PRIMA1: variants seen among roughly 807,000 people sequenced by gnomAD.
PRIMA1 encodes proline-rich membrane anchor 1.
Under a neutral mutation model 17.5 loss-of-function variants are expected in PRIMA1, and 7 were observed. The ratio of observed to expected loss-of-function variants is 0.40; its 90% confidence interval spans 0.23 to 0.75. The LOEUF (loss-of-function observed/expected upper bound fraction) is 0.75, where lower values mean the gene tolerates loss of function less well. Among genes scored for constraint, PRIMA1 ranks in the 30% least tolerant of loss-of-function variants. The pLI, the probability that PRIMA1 is intolerant of heterozygous loss-of-function variation, is 0.37. For missense variants in PRIMA1, 200 were observed against 201.8 expected (o/e 0.99, Z 0.05); for synonymous variants, 97 against 77.9 (o/e 1.25, Z -1.29).
intron 3 of PRIMA1, among the ~76,000 whole-genome samples, chr14:93,759,944 G>A (rs1457319908): frequency 2.0e-5 from 3 of 152,234 alleles, no homozygotes; most frequent in African/African-American, 7.2e-5. Flanking sequence ...CCTTTACTGG[G>A]CTCCTCCTCC....
chr14:93,787,450 T>A (rs1885555044), intron 2 of PRIMA1, among the ~76,000 whole-genome samples, 176 bp downstream of exon 2: 1 of 151,500 alleles, frequency 6.6e-6, no homozygotes, highest in African/African-American at 2.4e-5. Context: ...CTCTTTGGAG[T>A]TTCTTATCTT....
chr14:93,756,199 T>C (rs1179136173), intron 3 of PRIMA1, among the ~76,000 whole-genome samples: 1 of 152,222 alleles, frequency 6.6e-6, no homozygotes, highest in East Asian at 1.9e-4. Context: ...CCACCTTGCC[T>C]GGCCTAAGAT....
At position 93,771,297 on chromosome 14, in the gene PRIMA1, C is replaced by T. The variant is rs529031414; in HGVS notation, c.229+7879G>A. Among the ~76,000 whole-genome samples the T allele has an allele frequency of 1.2e-4, 18 of 152,226 alleles. No homozygotes were observed. In the East Asian group the frequency reaches 2.9e-3, roughly 24 times the overall value. On this transcript the variant is annotated intron_variant, in intron 3 of 4. Coordinates refer to ENST00000393140, the MANE Select transcript of PRIMA1 (RefSeq NM_178013.4). ...GCCCTGGTCCCTTGATTCTAAAAAA[C>T]AGAATGCAGTGGAAGTTGATGCTGG... is the stretch of plus-strand genomic sequence containing the variant.
Position 93,719,579 on chromosome 14 carries a change from A to G in PRIMA1, c.*1865T>C. 1 of 152,822 alleles carries G rather than the reference A, an allele frequency of 6.5e-6. No homozygotes were observed. The highest frequency in any genetic ancestry group is 1.5e-5 in the Non-Finnish European group (1 of 68,460). 9.5% of individuals were successfully genotyped at this position (152,822 alleles called of 1,614,324 possible). A position where few individuals can be genotyped will look rare whatever the true frequency, so the allele number is the denominator to read the frequency against. On this transcript the variant is annotated 3_prime_UTR_variant, in exon 5 of 5. Coordinates refer to ENST00000393140, the MANE Select transcript of PRIMA1 (RefSeq NM_178013.4). ...TTAGGGCACAGCTTGGGGGTTCAAC[A>G]GGCACCAGAAGGCTGAAGGCAGTAG...
intron 4 of PRIMA1, among the ~76,000 whole-genome samples, chr14:93,728,551 C>CAGG (rs2076094240): frequency 6.6e-6 from 1 of 152,126 alleles, no homozygotes; most frequent in Non-Finnish European, 1.5e-5. Context: ...GTGTCTGGGT[C>CAGG]TTATCCTGAC....
intron 3 of PRIMA1, among the ~76,000 whole-genome samples, chr14:93,769,462 A>C (rs1006275387): frequency 6.6e-6 from 1 of 152,188 alleles, no homozygotes; most frequent in Non-Finnish European, 1.5e-5. Flanking sequence ...CCGAGGCCGG[A>C]ATCAATGGCA....
intron 2 of PRIMA1, among the ~76,000 whole-genome samples, chr14:93,785,465 T>C (rs948709912): frequency 1.3e-5 from 2 of 152,208 alleles, no homozygotes; most frequent in Non-Finnish European, 2.9e-5. Context: ...CCATTAATCA[T>C]AGGACTTTGT....
chr14:93,750,487 A>C (rs976894955), intron 3 of PRIMA1, among the ~76,000 whole-genome samples: 1 of 152,212 alleles, frequency 6.6e-6, no homozygotes, highest in African/African-American at 2.4e-5. Context: ...CACTTTGCAG[A>C]GGGGTTCAGG....
chr14:93,769,101 A>C lies in PRIMA1; in HGVS notation c.229+10075T>G, dbSNP rs115761383. The stretch of plus-strand genomic sequence containing the variant: ...TCAAACTCATCTGGAGATAGGAGTC[A>C]TGTTCATACCTGCATTGTGCTTTGT... On this transcript the variant is annotated intron_variant, in intron 3 of 4. Transcript: ENST00000393140. 7.1e-3 allele frequency among the ~76,000 whole-genome samples: 1,079 copies of C among 152,288 alleles called. 18 individuals carry two copies. The highest frequency in any genetic ancestry group is 0.024 in the African/African-American group (1,002 of 41,534).
intron 4 of PRIMA1, among the ~76,000 whole-genome samples, chr14:93,723,469 G>T (rs1209083890): frequency 2.0e-5 from 3 of 150,412 alleles, no homozygotes; most frequent in Non-Finnish European, 4.5e-5. Context: ...GCAGTTCATG[G>T]GAAGAACAAT....
chr14:93,752,868 C>G (rs543557254), intron 3 of PRIMA1, among the ~76,000 whole-genome samples: 48 of 152,334 alleles, frequency 3.2e-4, no homozygotes, highest in Non-Finnish European at 5.1e-4. Context: ...GGAGTGGTGA[C>G]CTTGGGCTAG....
intron 4 of PRIMA1, among the ~76,000 whole-genome samples, chr14:93,729,138 C>T (rs1352060381): frequency 1.3e-5 from 2 of 152,188 alleles, no homozygotes; most frequent in Non-Finnish European, 2.9e-5. Context: ...GTCAGAAGAT[C>T]GAGTCTTGAT....
chr14:93,735,509 C>A (rs2076143972), intron 4 of PRIMA1, among the ~76,000 whole-genome samples: 1 of 152,134 alleles, frequency 6.6e-6, no homozygotes, highest in African/African-American at 2.4e-5. Flanking sequence ...CTCCGGGCAG[C>A]CACAGCGGGC....
intron 3 of PRIMA1, among the ~76,000 whole-genome samples, chr14:93,740,443 C>A (rs944447629): frequency 2.6e-5 from 4 of 152,216 alleles, no homozygotes; most frequent in African/African-American, 9.6e-5. Context: ...AGAAATATAG[C>A]CAGATCATCC....
intron 4 of PRIMA1, among the ~76,000 whole-genome samples, chr14:93,729,546 G>C (rs1049527356): frequency 6.6e-6 from 1 of 152,242 alleles, no homozygotes; most frequent in African/African-American, 2.4e-5. Flanking sequence ...GGTGGATGGA[G>C]CAGTTCCACT....
chr14:93,724,988 G>A (rs2076064732), intron 4 of PRIMA1, among the ~76,000 whole-genome samples: 1 of 152,176 alleles, frequency 6.6e-6, no homozygotes, highest in South Asian at 2.1e-4. Context: ...GAGGCAAGGA[G>A]ACAGTTCTAA....
chr14:93,761,202 T>A (rs1884713275), intron 3 of PRIMA1, among the ~76,000 whole-genome samples: 1 of 151,740 alleles, frequency 6.6e-6, no homozygotes, highest in South Asian at 2.1e-4. Context: ...AAAAAAAAAA[T>A]TAGCTGGGCA....
At chr14:93,743,889 C>T (rs969824170) in intron 3 of PRIMA1, among the ~76,000 whole-genome samples, 14 of 152,188 alleles carry the variant, frequency 9.2e-5, no homozygotes, top group Non-Finnish European at 5.9e-5. Context: ...GCACGGGACT[C>T]GGTGCGCGCT....
intron 3 of PRIMA1, among the ~76,000 whole-genome samples, chr14:93,739,221 T>A (rs980336249): frequency 5.3e-5 from 8 of 152,050 alleles, no homozygotes; most frequent in African/African-American, 1.4e-4. Flanking sequence ...CCCAGCTAAT[T>A]TTGTATTTTT....
Sources: allele counts gnomAD v4.1 joint callset (sites outside exome capture counted in the v4.1 genomes callset), GRCh38; gene constraint gnomAD v4.1.1; transcripts MANE v1.5; gene names NCBI Gene and HGNC (gene_info 2026-07-23, HGNC 2026-07-21).